Variants in PILRA observed in about 807,000 individuals in gnomAD.
The protein encoded by PILRA is paired immunoglobulin-like type 2 receptor alpha.
PILRA carries 37 observed loss-of-function variants against 33.1 expected under a neutral mutation model. The observed-to-expected ratio is 1.12, with a 90% CI of 0.86 to 1.47. The LOEUF (loss-of-function observed/expected upper bound fraction) is 1.47, where lower values mean the gene tolerates loss of function less well. Among genes scored for constraint, PILRA ranks in the 40% most tolerant of loss-of-function variants. The pLI is 0.00. For synonymous variants in PILRA, 146 were observed against 149.9 expected, an observed-to-expected ratio of 0.97 and a Z score of 0.19; for missense variants, 312 against 376.2, an observed-to-expected ratio of 0.83 and a Z score of 1.41.
intron 3 of PILRA, among the ~76,000 whole-genome samples, chr7:100,397,374 A>C (rs1477340772): frequency 6.6e-6 from 1 of 151,938 alleles, no homozygotes; most frequent in East Asian, 1.9e-4. Flanking sequence ...GACCAGCCAG[A>C]GGGGAGGGGA....
intron 6 of PILRA, 42 bp from the exon 7 acceptor site, chr7:100,399,743 C>T (rs772440319): frequency 1.7e-5 from 28 of 1,611,056 alleles, no homozygotes; most frequent in East Asian, 1.6e-4. Flanking sequence ...GGAACAGCTC[C>T]GTCTCCACTG....
upstream of PILRA, chr7:100,373,365 C>A (rs1790861171): frequency 3.5e-6 from 2 of 566,878 alleles, no homozygotes; most frequent in South Asian, 4.3e-5. Flanking sequence ...AGGTCAGGCC[C>A]AGCCCCTCGG....
In PILRA at chr7:100,374,286, G is replaced by A. The variant is rs1466349028; in HGVS notation, c.307G>A (p.Glu103Lys). Residue 103 changes from glutamate to lysine, a missense_variant, in exon 2 of 7, where the codon GAG (glutamate) becomes AAG (lysine). Transcript: ENST00000198536. ...GAACCGGCTCTTTCTGAACTGGACA[G>A]AGGGTCAGAAGAGCGGCTTCCTCAG... ...YVNRLFLNWT[E>K]GQKSGFLRIS... The A allele has an allele frequency of 4.3e-6, 7 of 1,613,992 alleles. No individual in the cohort carries two copies. Among genetic ancestry groups the A allele is most frequent in the Middle Eastern group, 1.6e-4 (1 of 6,084 alleles).
chr7:100,376,761 CTTT>C (rs34944697), intron 2 of PILRA, among the ~76,000 whole-genome samples: 1 of 75,020 alleles, frequency 1.3e-5, no homozygotes, highest in African/African-American at 5.7e-5. Context: ...CTTGCTCTGC[CTTT>C]TTTTTTTTTT....
Position 100,373,727 on chromosome 7 carries a change from A to C in PILRA, c.64+7A>C. On this transcript the variant is annotated splice_region_variant and intron_variant, in intron 1 of 6. Transcript: ENST00000198536. ...CCAGCATTTCTGCAGCCTAGTGAGT[A>C]CCCAGGACCACCCAGATGTGGGCTC... 1 of 1,612,778 alleles carries C rather than the reference A, an allele frequency of 6.2e-7. No individual in the cohort carries two copies. The highest frequency in any genetic ancestry group is 8.5e-7 in the Non-Finnish European group (1 of 1,179,900).
At chr7:100,388,566 C>G (rs56177146) in intron 2 of PILRA, among the ~76,000 whole-genome samples, 1 of 150,376 alleles carries the variant, frequency 6.6e-6, no homozygotes, top group Non-Finnish European at 1.5e-5. Flanking sequence ...AACCCCGTTT[C>G]TACTAAAAAA....
chr7:100,373,729 C>G lies in PILRA; in HGVS notation c.64+9C>G. 1 of 1,612,876 alleles carries G rather than the reference C, an allele frequency of 6.2e-7. No individual in the cohort carries two copies. Among genetic ancestry groups the G allele is most frequent in the Non-Finnish European group, 8.5e-7 (1 of 1,179,944 alleles). On this transcript the variant is annotated intron_variant, in intron 1 of 6. Coordinates refer to ENST00000198536, the MANE Select transcript of PILRA (RefSeq NM_013439.3). ...AGCATTTCTGCAGCCTAGTGAGTAC[C>G]CAGGACCACCCAGATGTGGGCTCTG...
chr7:100,399,867 GC>G lies in PILRA; in HGVS notation c.877del (p.Gln293ArgfsTer9), dbSNP rs756329605. 1.4e-5 allele frequency: 22 copies of G among 1,613,296 alleles called. No individual in the cohort carries two copies. Among genetic ancestry groups the G allele is most frequent in the Non-Finnish European group, 1.9e-5 (22 of 1,179,706 alleles). ...RAPPSHRPLK[S>X]PQNETLYSVL... Reference sequence around the variant, plus strand: ...CCTCCCAGCCACCGTCCCCTCAAGAGCCCCCAGAACGAGACCCTGTACTCTG... The same window carrying G: ...CCTCCCAGCCACCGTCCCCTCAAGAGCCCCAGAACGAGACCCTGTACTCTG... On this transcript the variant is annotated frameshift_variant, in exon 7 of 7. Coordinates refer to ENST00000198536, the MANE Select transcript of PILRA (RefSeq NM_013439.3). LOFTEE classifies it high-confidence loss of function.
At chr7:100,383,233 C>G (rs1391259226) in intron 2 of PILRA, among the ~76,000 whole-genome samples, 1 of 152,110 alleles carries the variant, frequency 6.6e-6, no homozygotes, top group Non-Finnish European at 1.5e-5. Flanking sequence ...CTCTGAAAAG[C>G]AAGAGACGGG....
chr7:100,374,469 C>T (rs376921518), intron 2 of PILRA, 36 bp downstream of exon 2: 274 of 1,612,040 alleles, frequency 1.7e-4, no homozygotes, highest in Middle Eastern at 4.9e-4. Flanking sequence ...CTTTGCCCAC[C>T]GCAGTGAGGC....
At chr7:100,372,148 A>C (rs529862276), upstream of PILRA, among the ~76,000 whole-genome samples, 5 of 152,230 alleles carry the variant, frequency 3.3e-5, 1 homozygote, top group East Asian at 9.6e-4. Context: ...GTTCAGCCCA[A>C]AGCCCCCGTC....
At chr7:100,377,700 C>T (rs1241907446) in intron 2 of PILRA, among the ~76,000 whole-genome samples, 3 of 151,938 alleles carry the variant, frequency 2.0e-5, no homozygotes, top group Admixed American at 6.6e-5. Context: ...GAGCCAAGAT[C>T]GCATCACTGC....
intron 2 of PILRA, among the ~76,000 whole-genome samples, chr7:100,383,084 C>T (rs1428992506): frequency 6.6e-6 from 1 of 152,034 alleles, no homozygotes; most frequent in Non-Finnish European, 1.5e-5. Context: ...TAAGGGTGGC[C>T]CTGTATTCAC....
rs776651456 is a variant in PILRA at position 100,390,070 on chromosome 7, G to A, written c.637G>A (p.Gly213Arg). 2.5e-6 allele frequency: 4 copies of A among 1,614,020 alleles called. No individual in the cohort carries two copies. The highest frequency in any genetic ancestry group is 3.4e-6 in the Non-Finnish European group (4 of 1,179,982). The stretch of plus-strand genomic sequence containing the variant: ...CACTGTGCTCGGAATCATGATTTTG[G>A]GACTGATCTGCCTCCTCAGGTGGAG... Reference protein sequence around the residue: ...AVTVLGIMILGLICLLRWRRR... With the variant: ...AVTVLGIMILRLICLLRWRRR... Residue 213 changes from glycine (G) to arginine (R), a missense_variant, in exon 3 of 7, where the codon GGA becomes AGA. Coordinates refer to ENST00000198536, the MANE Select transcript of PILRA (RefSeq NM_013439.3).
rs1791344589 is a variant in PILRA at position 100,389,884 on chromosome 7, C to T, written c.455-4C>T. On this transcript the variant is annotated splice_region_variant and splice_polypyrimidine_tract_variant and intron_variant, in intron 2 of 6. Coordinates refer to ENST00000198536, the MANE Select transcript of PILRA (RefSeq NM_013439.3). ...GGGTCTGCTCATTCCTCATCTCTCC[C>T]CAGCTGTCACGACCACCACCCAGAG... 6.2e-7 allele frequency: 1 copy of T among 1,613,228 alleles called. No individual in the cohort carries two copies. The highest frequency in any genetic ancestry group is 1.3e-5 in the African/African-American group (1 of 74,770).
intron 4 of PILRA, among the ~76,000 whole-genome samples, 196 bp from the exon 5 acceptor site, chr7:100,399,095 C>T (rs947633362): frequency 2.0e-5 from 3 of 152,038 alleles, no homozygotes; most frequent in Admixed American, 6.6e-5. Flanking sequence ...CACACCACTA[C>T]GTCTGGCTAG....
In PILRA at chr7:100,387,439, C is replaced by T. The variant is rs1408794844; in HGVS notation, c.455-2449C>T. On this transcript the variant is annotated intron_variant, in intron 2 of 6. Coordinates refer to ENST00000198536, the MANE Select transcript of PILRA (RefSeq NM_013439.3). Reference sequence around the variant, plus strand: ...ATGTTGGCCAGGCTGCTCTCAAACTCCTGACCTCAGGTGATCTGCTCACCT... The same window carrying T: ...ATGTTGGCCAGGCTGCTCTCAAACTTCTGACCTCAGGTGATCTGCTCACCT... 2.0e-5 allele frequency among the ~76,000 whole-genome samples: 3 copies of T among 152,148 alleles called. No homozygotes were observed. The East Asian group carries it at 5.8e-4, about 29-fold the overall frequency.
intron 3 of PILRA, among the ~76,000 whole-genome samples, chr7:100,390,912 TCA>T (rs1334424291): frequency 6.6e-6 from 1 of 151,892 alleles, no homozygotes; most frequent in Admixed American, 6.6e-5. Context: ...GTGAGAGACC[TCA>T]GTCTATGGAG....
chr7:100,399,545 C>T (rs777615846), intron 5 of PILRA, 36 bp from the exon 6 acceptor site: 5 of 1,613,740 alleles, frequency 3.1e-6, no homozygotes, highest in Non-Finnish European at 4.2e-6. Flanking sequence ...GCTGTCACGC[C>T]ACCTGACCTT....
Sources: gnomAD v4.1 joint callset for allele counts (sites outside exome capture counted in the v4.1 genomes callset) on GRCh38, gnomAD v4.1.1 for gene constraint, MANE v1.5 for transcripts, NCBI Gene and HGNC (gene_info 2026-07-23, HGNC 2026-07-21) for gene names.